Variants in TENM3 observed in about 807,000 individuals in gnomAD.
TENM3 encodes the protein teneurin transmembrane protein 3, also known as teneurin-3.
A neutral mutation model predicts 255.1 loss-of-function variants in TENM3; 63 were observed. That is an observed-to-expected ratio of 0.25 (90% CI 0.20 to 0.30). The LOEUF (loss-of-function observed/expected upper bound fraction) is 0.30. TENM3 is among the 10% of genes least tolerant of loss of function. The pLI, the probability that TENM3 is intolerant of heterozygous loss-of-function variation, is 1.00. For missense variants in TENM3, 2,929 were observed against 3,461.1 expected (o/e 0.85, Z 3.86); for synonymous variants, 1,306 against 1,322.3 (o/e 0.99, Z 0.27).
intron 5 of TENM3, among the ~76,000 whole-genome samples, chr4:182,649,500 A>C (rs1561054347): frequency 6.6e-6 from 1 of 150,486 alleles, no homozygotes; most frequent in Non-Finnish European, 1.5e-5. Flanking sequence ...TAAAACTAAG[A>C]AGCATAATAC....
At chr4:182,176,599 A>G (rs1170769599) in intron 1 of TENM3, among the ~76,000 whole-genome samples, 1 of 152,162 alleles carries the variant, frequency 6.6e-6, no homozygotes, top group Non-Finnish European at 1.5e-5. Context: ...AGTCACCAAC[A>G]TTTACATAAT....
intron 1 of TENM3, among the ~76,000 whole-genome samples, chr4:182,235,192 C>G (rs1261200238): frequency 6.6e-6 from 1 of 152,200 alleles, no homozygotes; most frequent in Non-Finnish European, 1.5e-5. Flanking sequence ...ATGCCAAACA[C>G]TTGTGCTTCT....
At position 182,673,048 on chromosome 4, in the gene TENM3, C is replaced by A; in HGVS notation, c.1155C>A (p.Ser385=). Residue 385 remains serine, a synonymous_variant, in exon 7 of 28, where the codon TCC becomes TCA. Transcript: ENST00000511685. ...GFTQENNTID[S]GELDIGRRAI... is the part of the protein sequence containing the mutation. Reference sequence around the variant, plus strand: ...CGCAAGAAAATAACACCATAGATTCCGGAGAACTTGATATTGGCCGAAGAG... The same window carrying A: ...CGCAAGAAAATAACACCATAGATTCAGGAGAACTTGATATTGGCCGAAGAG... 1 of 1,605,142 alleles carries A rather than the reference C, an allele frequency of 6.2e-7. No homozygotes were observed. Among genetic ancestry groups the A allele is most frequent in the Non-Finnish European group, 8.5e-7 (1 of 1,175,122 alleles).
chr4:182,390,632 G>A lies in TENM3; in HGVS notation c.511+43703G>A, dbSNP rs554489626. Among the ~76,000 whole-genome samples the A allele has an allele frequency of 2.0e-5, 3 of 152,312 alleles. No homozygotes were observed. In the East Asian group the frequency reaches 5.8e-4, roughly 29 times the overall value. On this transcript the variant is annotated intron_variant, in intron 3 of 27. Transcript: ENST00000511685. ...ATTGTCTGTGTGCTGTGCTGATGTG[G>A]CACTACTGACACTCTCCTACCGCAG...
chr4:181,950,485 A>T, the TENM3 span, among the ~76,000 whole-genome samples: 5 of 152,176 alleles, frequency 3.3e-5, no homozygotes, highest in South Asian at 1.0e-3. Flanking sequence ...TATTAACACC[A>T]TGTTACACCA....
rs535255355 is a variant in TENM3, at chr4:182,678,060, A to G, written c.1327-1606A>G. On this transcript the variant is annotated intron_variant, in intron 7 of 27. Coordinates refer to ENST00000511685, the MANE Select transcript of TENM3 (RefSeq NM_001080477.4). ...ATAATAATTATTTATATATAGTACT[A>G]TGGCATATGTTTCACCATAAACACA... Among the ~76,000 whole-genome samples the G allele has an allele frequency of 1.8e-3, 273 of 152,206 alleles. 2 individuals are homozygous for G. Among genetic ancestry groups the G allele is most frequent in the African/African-American group, 6.3e-3 (262 of 41,560 alleles).
intron 3 of TENM3, among the ~76,000 whole-genome samples, chr4:182,525,617 A>G (rs1739079542): frequency 6.6e-6 from 1 of 152,218 alleles, no homozygotes; most frequent in South Asian, 2.1e-4. Flanking sequence ...GTGTGTATGT[A>G]CACCCGTCCC....
At chr4:182,569,295 CTG>C (rs1430537671) in intron 3 of TENM3, among the ~76,000 whole-genome samples, 2 of 152,192 alleles carry the variant, frequency 1.3e-5, no homozygotes, top group African/African-American at 4.8e-5. Flanking sequence ...TGGCTCACGC[CTG>C]TAATCCCAGC....
At position 182,773,558 on chromosome 4, in the gene TENM3, C is replaced by G; in HGVS notation, c.4979C>G (p.Thr1660Arg). The change falls in exon 23 of 28, where the codon ACA becomes AGA. Residue 1660 changes from threonine (T) to arginine (R), a missense_variant. Physicochemically the swap from Thr to Arg is moderately conservative, Grantham distance 71. Coordinates refer to ENST00000511685, the MANE Select transcript of TENM3 (RefSeq NM_001080477.4). ...CATGGGGACATGGACAAGGCTATCACAGTGGACATTGAGTCATCTAGCCGA... is the reference window on the plus strand; with the variant it reads ...CATGGGGACATGGACAAGGCTATCAGAGTGGACATTGAGTCATCTAGCCGA... ...NLHGDMDKAI[T>R]VDIESSSREE... is the part of the protein sequence containing the mutation. The G allele has an allele frequency of 6.2e-7, 1 of 1,613,902 alleles. No individual in the cohort carries two copies. The highest frequency in any genetic ancestry group is 8.5e-7 in the Non-Finnish European group (1 of 1,179,834).
upstream of TENM3, among the ~76,000 whole-genome samples, chr4:182,240,031 A>C (rs1263412515): frequency 2.6e-5 from 4 of 152,236 alleles, no homozygotes; most frequent in East Asian, 7.7e-4. Context: ...ACAGTTGTAG[A>C]GTAGTGAAAC....
chr4:181,723,388 T>C, the TENM3 span, among the ~76,000 whole-genome samples: 1 of 151,838 alleles, frequency 6.6e-6, no homozygotes, highest in Non-Finnish European at 1.5e-5. Context: ...TTTCTTCATT[T>C]TCATGATTTT....
chr4:182,773,537 G>A lies in TENM3; in HGVS notation c.4958G>A (p.Gly1653Glu), dbSNP rs947197392. The change falls in exon 23 of 28, where the codon GGG becomes GAG. Residue 1653 changes from glycine (G) to glutamate (E), a missense_variant. Gly to Glu is a moderately conservative substitution (Grantham distance 98). This residue lies in a region of TENM3 where 1,608 missense variants were observed against 1,884.4 expected (regional missense o/e 0.85). Coordinates refer to ENST00000511685, the MANE Select transcript of TENM3 (RefSeq NM_001080477.4). ...FPTGVVTNLH[G>E]DMDKAITVDI... Reference sequence around the variant, plus strand: ...ACTGGAGTGGTCACAAACCTGCATGGGGACATGGACAAGGCTATCACAGTG... The same window carrying A: ...ACTGGAGTGGTCACAAACCTGCATGAGGACATGGACAAGGCTATCACAGTG... 3 of 1,613,784 alleles carry A rather than the reference G, an allele frequency of 1.9e-6. No individual in the cohort carries two copies. The highest frequency in any genetic ancestry group is 2.5e-6 in the Non-Finnish European group (3 of 1,179,800).
intron 3 of TENM3, among the ~76,000 whole-genome samples, chr4:182,559,363 A>G (rs1166386566): frequency 6.6e-6 from 1 of 152,114 alleles, no homozygotes; most frequent in Non-Finnish European, 1.5e-5. Flanking sequence ...CGTTGTTTCC[A>G]TAGAAATGAG....
At chr4:181,703,706 T>G in the TENM3 span, among the ~76,000 whole-genome samples, 1 of 152,202 alleles carries the variant, frequency 6.6e-6, no homozygotes, top group African/African-American at 2.4e-5. Context: ...GGAAGCAATG[T>G]CTGTCTGCCT....
In TENM3 at chr4:182,754,729, C is replaced by T; in HGVS notation, c.4362C>T (p.Ala1454=). The change falls in exon 22 of 28, where the codon GCC becomes GCT. Residue 1454 remains alanine (A), a synonymous_variant. Coordinates refer to ENST00000511685, the MANE Select transcript of TENM3 (RefSeq NM_001080477.4). This position sits in a 1 kb window ranked among gnomAD's most constrained non-coding sequence, Gnocchi z 5.1. ...IPSECDCKND[A]NCDCYQSGDG... is the part of the protein sequence containing the mutation. Reference sequence around the variant, plus strand: ...CAGAGTGTGACTGCAAAAATGATGCCAACTGTGACTGTTACCAGAGTGGAG... The same window carrying T: ...CAGAGTGTGACTGCAAAAATGATGCTAACTGTGACTGTTACCAGAGTGGAG... The T allele has an allele frequency of 6.2e-7, 1 of 1,614,028 alleles. No homozygotes were observed. Among genetic ancestry groups the T allele is most frequent in the African/African-American group, 1.3e-5 (1 of 75,058 alleles).
At chr4:182,189,553 G>A (rs1159589022) in intron 1 of TENM3, among the ~76,000 whole-genome samples, 2 of 152,180 alleles carry the variant, frequency 1.3e-5, no homozygotes, top group Non-Finnish European at 2.9e-5. Context: ...GACTGATGTG[G>A]GGCGCGGCAC....
chr4:181,708,300 A>C, the TENM3 span, among the ~76,000 whole-genome samples: 1,687 of 152,322 alleles, frequency 0.011, 12 homozygotes, highest in Middle Eastern at 0.014. Flanking sequence ...TGCTTTCATT[A>C]TCTTAAATGA....
intron 1 of TENM3, among the ~76,000 whole-genome samples, chr4:182,151,858 C>T (rs1750381102): frequency 6.6e-6 from 1 of 151,728 alleles, no homozygotes; most frequent in African/African-American, 2.4e-5. Flanking sequence ...ATCTAGTAAT[C>T]TAAATACATA....
At chr4:182,454,825 G>A (rs943416575) in intron 3 of TENM3, among the ~76,000 whole-genome samples, 27 of 152,066 alleles carry the variant, frequency 1.8e-4, no homozygotes, top group African/African-American at 6.5e-4. Flanking sequence ...TTTATTAAAC[G>A]CAGTACAAGA....
Sources: gnomAD v4.1 joint callset for allele counts (sites outside exome capture counted in the v4.1 genomes callset) on GRCh38, gnomAD v4.1.1 for gene constraint, gnomAD v4.1.1 regional missense constraint, Gnocchi (gnomAD v3.1) non-coding constraint, MANE v1.5 for transcripts, NCBI Gene and HGNC (gene_info 2026-07-23, HGNC 2026-07-21) for gene names.